C12orf42: variants seen among roughly 807,000 people sequenced by gnomAD.
C12orf42 encodes the protein uncharacterized protein C12orf42.
A neutral mutation model predicts 21.6 loss-of-function variants in C12orf42; 25 were observed. The observed-to-expected ratio is 1.16, with a 90% confidence interval of 0.84 to 1.62. The LOEUF is 1.62. Ranked by LOEUF, C12orf42 falls within the 40% of genes most tolerant of loss-of-function variation. C12orf42 has a pLI of 0.00. For missense variants in C12orf42, 483 were observed against 459.3 expected (o/e 1.05, Z -0.47); for synonymous variants, 174 against 175.0 (o/e 0.99, Z 0.05).
At chr12:103,229,483 T>G in the C12orf42 span, among the ~76,000 whole-genome samples, 1 of 108,450 alleles carries the variant, frequency 9.2e-6, no homozygotes, top group Non-Finnish European at 1.9e-5. Flanking sequence ...TCAATTATAT[T>G]TATAATTATT....
At chr12:103,048,891 A>G in the C12orf42 span, among the ~76,000 whole-genome samples, 1 of 152,070 alleles carries the variant, frequency 6.6e-6, no homozygotes, top group Admixed American at 6.6e-5. Context: ...CTCCCATTTC[A>G]TATGGCTCTG....
the C12orf42 span, among the ~76,000 whole-genome samples, chr12:103,086,655 C>T: frequency 6.6e-6 from 1 of 151,802 alleles, no homozygotes; most frequent in African/African-American, 2.4e-5. Context: ...GCTCCTGCCG[C>T]TTTCTTAATC....
chr12:103,146,979 CAT>C, the C12orf42 span, among the ~76,000 whole-genome samples: 1 of 152,164 alleles, frequency 6.6e-6, no homozygotes, highest in South Asian at 2.1e-4. Context: ...AGGCATGGCC[CAT>C]GGAAGAACTC....
chr12:103,539,928 C>T, the C12orf42 span, among the ~76,000 whole-genome samples: 7 of 152,104 alleles, frequency 4.6e-5, no homozygotes, highest in Non-Finnish European at 7.4e-5. Flanking sequence ...AGGTGACATG[C>T]TAAACGTAAT....
At chr12:103,156,710 G>A in the C12orf42 span, among the ~76,000 whole-genome samples, 21 of 152,078 alleles carry the variant, frequency 1.4e-4, no homozygotes, top group Admixed American at 1.4e-3. Context: ...CCACTTATGA[G>A]TGAGAATATG....
chr12:103,320,090 C>G (rs188492047), intron 4 of C12orf42, among the ~76,000 whole-genome samples: 2 of 152,292 alleles, frequency 1.3e-5, no homozygotes, highest in East Asian at 3.9e-4. Context: ...TCAGAACCTA[C>G]TGCTGTCCAC....
chr12:103,198,703 C>T, the C12orf42 span, among the ~76,000 whole-genome samples: 1 of 152,224 alleles, frequency 6.6e-6, no homozygotes, highest in Non-Finnish European at 1.5e-5. Flanking sequence ...TGCTACTCCA[C>T]ACCTGCTTAA....
At chr12:103,417,544 A>G (rs1289458270) in intron 2 of C12orf42, among the ~76,000 whole-genome samples, 2 of 152,044 alleles carry the variant, frequency 1.3e-5, no homozygotes, top group African/African-American at 4.8e-5. Flanking sequence ...ACACTTTCCC[A>G]TGTGTATGGC....
chr12:103,051,048 C>T, the C12orf42 span, among the ~76,000 whole-genome samples: 1 of 152,108 alleles, frequency 6.6e-6, no homozygotes, highest in East Asian at 1.9e-4. Context: ...TTGAAAAGAA[C>T]AATTTTCTGG....
intron 4 of C12orf42, among the ~76,000 whole-genome samples, chr12:103,296,029 A>G (rs2037254443): frequency 9.3e-6 from 1 of 108,096 alleles, no homozygotes; most frequent in Non-Finnish European, 1.7e-5. Context: ...CCACCCCACA[A>G]CAGGCCGCAG....
intron 10 of C12orf42, among the ~76,000 whole-genome samples, chr12:103,246,168 G>A (rs531591125): frequency 5.9e-5 from 9 of 152,102 alleles, no homozygotes; most frequent in Admixed American, 1.3e-4. Flanking sequence ...CATAGTAAAC[G>A]GAAATAAACC....
intron 2 of C12orf42, among the ~76,000 whole-genome samples, chr12:103,457,039 GA>G (rs1952345184): frequency 6.6e-6 from 1 of 152,000 alleles, no homozygotes. Context: ...ATAATAGAGA[GA>G]AAAAAACCAC....
the C12orf42 span, among the ~76,000 whole-genome samples, chr12:103,074,209 A>G: frequency 6.6e-6 from 1 of 152,196 alleles, no homozygotes; most frequent in Non-Finnish European, 1.5e-5. Context: ...TGAGGATGAA[A>G]AATCTTATGT....
the C12orf42 span, among the ~76,000 whole-genome samples, chr12:103,073,141 A>ATATAGAGGG: frequency 1.3e-5 from 2 of 152,162 alleles, no homozygotes; most frequent in African/African-American, 4.8e-5. Flanking sequence ...ACACACGGAC[A>ATATAGAGGG]TATAGAGGGG....
intron 4 of C12orf42, among the ~76,000 whole-genome samples, chr12:103,322,125 GCA>G (rs34616179): frequency 0.35 from 31,345 of 90,238 alleles, 3,323 homozygotes; most frequent in African/African-American, 0.45. Flanking sequence ...GCGCGCGCGC[GCA>G]CACACACACA....
At chr12:103,099,832 CT>C in the C12orf42 span, among the ~76,000 whole-genome samples, 1 of 152,158 alleles carries the variant, frequency 6.6e-6, no homozygotes, top group Non-Finnish European at 1.5e-5. Context: ...TTATAGACAA[CT>C]TTCATTTCTA....
the C12orf42 span, among the ~76,000 whole-genome samples, chr12:103,086,080 C>T: frequency 9.2e-5 from 14 of 152,228 alleles, no homozygotes; most frequent in African/African-American, 3.4e-4. Flanking sequence ...CCCACATTCA[C>T]TCCTTTTTAA....
the C12orf42 span, among the ~76,000 whole-genome samples, chr12:103,125,741 T>C: frequency 6.6e-6 from 1 of 152,224 alleles, no homozygotes; most frequent in Non-Finnish European, 1.5e-5. Flanking sequence ...TGATCATTTC[T>C]ATCTTTCCTA....
At chr12:103,064,671 C>A in the C12orf42 span, among the ~76,000 whole-genome samples, 2 of 152,216 alleles carry the variant, frequency 1.3e-5, no homozygotes, top group African/African-American at 2.4e-5. Flanking sequence ...ACACTGCCAA[C>A]AATTTATGCT....
Sources: gnomAD v4.1 joint callset for allele counts (sites outside exome capture counted in the v4.1 genomes callset) on GRCh38, gnomAD v4.1.1 for gene constraint, MANE v1.5 for transcripts, NCBI Gene and HGNC (gene_info 2026-07-23, HGNC 2026-07-21) for gene names.